The following SAMD5 variants were observed in gnomAD, a reference collection of about 807,000 sequenced individuals.
SAMD5 encodes the protein sterile alpha motif domain containing 5.
A neutral mutation model predicts 11.3 loss-of-function variants in SAMD5; 13 were observed. The observed-to-expected ratio is 1.15, with a 90% CI of 0.75 to 1.83. The LOEUF (loss-of-function observed/expected upper bound fraction) is 1.83, where lower values mean the gene tolerates loss of function less well. Ranked by LOEUF, SAMD5 falls within the 40% of genes most tolerant of loss-of-function variation. The probability of loss-of-function intolerance (pLI) is 0.00; values close to 1 mark genes in which losing one functional copy is unlikely to be tolerated. For synonymous variants in SAMD5, 129 were observed against 111.3 expected (o/e 1.16, Z -1.00); for missense variants, 255 against 239.1 (o/e 1.07, Z -0.44).
chr6:147,548,101 A>T (rs141507114), intron 1 of SAMD5, among the ~76,000 whole-genome samples: 2 of 149,352 alleles, frequency 1.3e-5, no homozygotes, highest in Admixed American at 1.3e-4. Flanking sequence ...AATAAGTTCA[A>T]CAAGAAAAAA....
At chr6:147,649,408 A>T (rs949399772) in intron 1 of SAMD5, among the ~76,000 whole-genome samples, 1 of 152,182 alleles carries the variant, frequency 6.6e-6, no homozygotes, top group African/African-American at 2.4e-5. Context: ...ATTCACATGA[A>T]ATGAATTATA....
the SAMD5 span, among the ~76,000 whole-genome samples, chr6:147,783,379 ATT>A: frequency 9.9e-5 from 11 of 110,982 alleles, no homozygotes; most frequent in South Asian, 8.6e-4. Context: ...TTGAAAATAC[ATT>A]TTTTTTTTTT....
intron 1 of SAMD5, among the ~76,000 whole-genome samples, chr6:147,635,589 C>T (rs1258481657): frequency 6.6e-6 from 1 of 152,176 alleles, no homozygotes; most frequent in East Asian, 1.9e-4. Flanking sequence ...TATGGATACC[C>T]CTTCCACTCC....
At chr6:147,847,981 C>T in the SAMD5 span, among the ~76,000 whole-genome samples, 10 of 152,328 alleles carry the variant, frequency 6.6e-5, no homozygotes, top group South Asian at 2.1e-3. Flanking sequence ...AGAGAGGAAG[C>T]AGGCAGATTT....
chr6:147,870,835 G>C, the SAMD5 span, among the ~76,000 whole-genome samples: 1 of 146,010 alleles, frequency 6.8e-6, no homozygotes, highest in African/African-American at 2.5e-5. Context: ...GGGGAGGGAG[G>C]GAGGAAGGAA....
chr6:147,533,450 G>A (rs1397999900), intron 1 of SAMD5, among the ~76,000 whole-genome samples: 4 of 105,704 alleles, frequency 3.8e-5, no homozygotes, highest in African/African-American at 1.1e-4. Context: ...CAACAAGAGC[G>A]AAATTCCATC....
intron 1 of SAMD5, among the ~76,000 whole-genome samples, chr6:147,605,712 T>C (rs895013878): frequency 6.6e-5 from 10 of 152,172 alleles, no homozygotes; most frequent in African/African-American, 2.2e-4. Context: ...ATTAATTTAA[T>C]TGCAATTTAT....
At chr6:147,872,496 G>A in the SAMD5 span, among the ~76,000 whole-genome samples, 190 of 152,330 alleles carry the variant, frequency 1.2e-3, no homozygotes, top group African/African-American at 4.4e-3. Flanking sequence ...CCCAGTAAGG[G>A]TGGGTTATTA....
the SAMD5 span, among the ~76,000 whole-genome samples, chr6:147,840,164 G>A: frequency 6.6e-6 from 1 of 152,182 alleles, no homozygotes; most frequent in South Asian, 2.1e-4. Flanking sequence ...GTTGACATTT[G>A]CTGAGTTTTT....
intron 1 of SAMD5, among the ~76,000 whole-genome samples, chr6:147,656,490 AG>A (rs1180454876): frequency 6.6e-6 from 1 of 152,216 alleles, no homozygotes; most frequent in East Asian, 1.9e-4. Context: ...TTCCCATAAA[AG>A]GCATATACCC....
chr6:147,836,021 T>A, the SAMD5 span, among the ~76,000 whole-genome samples: 2 of 152,254 alleles, frequency 1.3e-5, no homozygotes, highest in Non-Finnish European at 2.9e-5. Context: ...GAACAAGGCT[T>A]GGCACCAGCT....
chr6:147,820,879 T>A, the SAMD5 span, among the ~76,000 whole-genome samples: 1 of 152,200 alleles, frequency 6.6e-6, no homozygotes, highest in South Asian at 2.1e-4. Context: ...GTCACTAAAA[T>A]CTGGCAAAGC....
chr6:147,619,637 G>C (rs1023136987), intron 1 of SAMD5, among the ~76,000 whole-genome samples: 1 of 152,236 alleles, frequency 6.6e-6, no homozygotes, highest in Non-Finnish European at 1.5e-5. Context: ...CTAAGAGTGA[G>C]GAAGAGCTGG....
At chr6:147,789,096 CA>C in the SAMD5 span, among the ~76,000 whole-genome samples, 1 of 100,992 alleles carries the variant, frequency 9.9e-6, no homozygotes, top group African/African-American at 4.8e-5. Context: ...AACAAACAAA[CA>C]AACAAAAAAA....
chr6:147,554,358 A>T (rs1788820386), intron 1 of SAMD5, among the ~76,000 whole-genome samples: 1 of 152,200 alleles, frequency 6.6e-6, no homozygotes, highest in Non-Finnish European at 1.5e-5. Context: ...CCTGGGAAAG[A>T]ATCGCTAAAG....
chr6:147,641,759 C>T (rs1224726868), intron 1 of SAMD5, among the ~76,000 whole-genome samples: 1 of 152,016 alleles, frequency 6.6e-6, no homozygotes, highest in Non-Finnish European at 1.5e-5. Flanking sequence ...TGTTGCCAAG[C>T]CTTTGTGGTT....
At chr6:147,914,034 A>G in the SAMD5 span, among the ~76,000 whole-genome samples, 21 of 152,254 alleles carry the variant, frequency 1.4e-4, no homozygotes, top group Middle Eastern at 3.4e-3. Context: ...CCTGGTTAAG[A>G]TGAGGCTAGA....
chr6:147,557,819 C>G (rs1788882084), intron 1 of SAMD5, among the ~76,000 whole-genome samples: 1 of 152,184 alleles, frequency 6.6e-6, no homozygotes, highest in Non-Finnish European at 1.5e-5. Flanking sequence ...ATAAAGTGGG[C>G]TTTGCTGTTG....
chr6:147,696,984 G>A (rs77334678), intron 1 of SAMD5, among the ~76,000 whole-genome samples: 18,767 of 152,242 alleles, frequency 0.12, 1,626 homozygotes, highest in Admixed American at 0.21. Flanking sequence ...AGGCTGGAGA[G>A]TTCAAGATCA....
Sources: gnomAD v4.1 joint callset for allele counts (sites outside exome capture counted in the v4.1 genomes callset) on GRCh38, gnomAD v4.1.1 for gene constraint, MANE v1.5 for transcripts, NCBI Gene and HGNC (gene_info 2026-07-23, HGNC 2026-07-21) for gene names.